ANO10: variants seen among roughly 807,000 people sequenced by gnomAD.
The protein encoded by ANO10 is anoctamin 10, also known as anoctamin-10.
ANO10 carries 77 observed loss-of-function variants against 74.7 expected under a neutral mutation model. That is an observed-to-expected ratio of 1.03 (90% CI 0.86 to 1.25). The LOEUF is 1.25. Among genes scored for constraint, ANO10 ranks in the 50% most tolerant of loss-of-function variants. ANO10 has a pLI of 0.00. For missense variants in ANO10, 721 were observed against 778.1 expected (o/e 0.93, Z 0.87); for synonymous variants, 279 against 284.9 (o/e 0.98, Z 0.21).
At chr3:43,670,929 C>G (rs1173554545) in intron 1 of ANO10, among the ~76,000 whole-genome samples, 1 of 152,142 alleles carries the variant, frequency 6.6e-6, no homozygotes, top group East Asian at 1.9e-4. Context: ...ATCAACCCAC[C>G]ACCAACTCAT....
intron 12 of ANO10, among the ~76,000 whole-genome samples, chr3:43,420,632 C>A (rs939486885): frequency 6.6e-6 from 1 of 151,896 alleles, no homozygotes; most frequent in Non-Finnish European, 1.5e-5. Flanking sequence ...TGGTTTCCTA[C>A]ACTTTTGGTG....
Position 43,366,977 on chromosome 3 carries a change from G to A in ANO10, c.1915-3C>T. On this transcript the variant is annotated splice_region_variant and splice_polypyrimidine_tract_variant and intron_variant, in intron 12 of 12. Transcript: ENST00000292246. Reference sequence around the variant, plus strand: ...TTCTCGGTCACGAGCTTCATTTGCTGTTAAGAGAAAACAGGACACCAGGTG... The same window carrying A: ...TTCTCGGTCACGAGCTTCATTTGCTATTAAGAGAAAACAGGACACCAGGTG... 1 of 1,596,680 alleles carries A rather than the reference G, an allele frequency of 6.3e-7. No individual in the cohort carries two copies. Among genetic ancestry groups the A allele is most frequent in the Non-Finnish European group, 8.5e-7 (1 of 1,171,204 alleles).
At chr3:43,566,242 G>C (rs1195662339) in intron 7 of ANO10, among the ~76,000 whole-genome samples, 2 of 152,140 alleles carry the variant, frequency 1.3e-5, no homozygotes, top group Non-Finnish European at 2.9e-5. Context: ...ACTGCAAGGC[G>C]GCAGCGAGGC....
chr3:43,650,936 A>G (rs1215557275), intron 1 of ANO10, among the ~76,000 whole-genome samples: 1 of 152,236 alleles, frequency 6.6e-6, no homozygotes, highest in East Asian at 1.9e-4. Context: ...AAGGAGCACA[A>G]TAGCATCCTC....
intron 12 of ANO10, among the ~76,000 whole-genome samples, chr3:43,394,431 C>T (rs1040297980): frequency 6.6e-6 from 1 of 152,188 alleles, no homozygotes; most frequent in African/African-American, 2.4e-5. Flanking sequence ...ACCCTCACCT[C>T]TTGACCCTAA....
rs1282296984 is a variant in ANO10, at chr3:43,578,470, C to A, written c.593-1209G>T. Among the ~76,000 whole-genome samples, 5 of 152,204 alleles carry A rather than the reference C, an allele frequency of 3.3e-5. No individual in the cohort carries two copies. The East Asian group carries it at 7.8e-4, about 24-fold the overall frequency. The stretch of plus-strand genomic sequence containing the variant: ...CTTTCTAAGAAGTAGCTAACAGAGG[C>A]CGGGAGCAGTGGCTCACACCTATAA... On this transcript the variant is annotated intron_variant, in intron 5 of 12. Coordinates refer to ENST00000292246, the MANE Select transcript of ANO10 (RefSeq NM_018075.5).
At chr3:43,667,808 T>A (rs915164621) in intron 1 of ANO10, among the ~76,000 whole-genome samples, 1 of 152,212 alleles carries the variant, frequency 6.6e-6, no homozygotes, top group Non-Finnish European at 1.5e-5. Context: ...TCCCATGGTG[T>A]ATATATACAC....
In ANO10 at chr3:43,375,052, C is replaced by T. The variant is rs538739517; in HGVS notation, c.1915-8078G>A. On this transcript the variant is annotated intron_variant, in intron 12 of 12. Coordinates refer to ENST00000292246, the MANE Select transcript of ANO10 (RefSeq NM_018075.5). Reference sequence around the variant, plus strand: ...AGGAGAACCACATGAACCCGGGAGGCGGAGGGTGCAGTGAGCCGAGATTGC... The same window carrying T: ...AGGAGAACCACATGAACCCGGGAGGTGGAGGGTGCAGTGAGCCGAGATTGC... Among the ~76,000 whole-genome samples, 89 of 151,436 alleles carry T rather than the reference C, an allele frequency of 5.9e-4. 1 individual carries two copies. Among genetic ancestry groups the T allele is most frequent in the African/African-American group, 1.9e-3 (77 of 41,184 alleles).
At chr3:43,414,316 T>G (rs1223024538) in intron 12 of ANO10, among the ~76,000 whole-genome samples, 4 of 152,198 alleles carry the variant, frequency 2.6e-5, no homozygotes, top group Non-Finnish European at 2.9e-5. Flanking sequence ...GAATAGTGAC[T>G]GATACACAGA....
rs964928694 is a variant in ANO10 at position 43,691,220 on chromosome 3, C to T, written c.-12+297G>A. ...CAGAGGCGTCCCGGCGCCGCTCTGCCTGGGAGAGGCTCCCCTCAGCGTCGG... is the reference window on the plus strand; with the variant it reads ...CAGAGGCGTCCCGGCGCCGCTCTGCTTGGGAGAGGCTCCCCTCAGCGTCGG... On this transcript the variant is annotated intron_variant, in intron 1 of 3. Transcript: ENST00000413397. 5 of 505,424 alleles carry T rather than the reference C, an allele frequency of 9.9e-6. No homozygotes were observed. The Admixed American group carries it at 1.3e-4, about 14-fold the overall frequency. The allele number at this position is 505,424 out of a possible 1,614,324, so 31.3% of individuals were successfully genotyped here.
intron 10 of ANO10, among the ~76,000 whole-genome samples, chr3:43,553,133 A>G (rs1559689104): frequency 6.6e-6 from 1 of 152,064 alleles, no homozygotes; most frequent in East Asian, 1.9e-4. Flanking sequence ...CCTGAAAAAT[A>G]TTTTGCCACT....
chr3:43,590,592 C>T (rs1227041551), intron 4 of ANO10, among the ~76,000 whole-genome samples: 4 of 152,028 alleles, frequency 2.6e-5, no homozygotes, highest in African/African-American at 7.2e-5. Flanking sequence ...AATGAGAAAA[C>T]GATCTAAGAG....
chr3:43,522,773 T>A (rs1427813073), intron 11 of ANO10, among the ~76,000 whole-genome samples: 1 of 152,082 alleles, frequency 6.6e-6, no homozygotes, highest in African/African-American at 2.4e-5. Context: ...ATGTCCAAAG[T>A]CATATCTAGA....
intron 12 of ANO10, among the ~76,000 whole-genome samples, chr3:43,422,042 T>G (rs1417829186): frequency 6.6e-6 from 1 of 152,230 alleles, no homozygotes; most frequent in East Asian, 1.9e-4. Context: ...ATCATGGCAA[T>G]GCAATTATTA....
chr3:43,593,651 A>G (rs2081927230), intron 4 of ANO10, among the ~76,000 whole-genome samples: 1 of 151,388 alleles, frequency 6.6e-6, no homozygotes, highest in Non-Finnish European at 1.5e-5. Context: ...GCCACTGCAA[A>G]AAACATGCCC....
rs577246705 is a variant in ANO10, at chr3:43,645,849, C to T, written c.-11-39986G>A. 2.0e-3 allele frequency among the ~76,000 whole-genome samples: 308 copies of T among 152,128 alleles called. 2 individuals are homozygous for T. Among genetic ancestry groups the T allele is most frequent in the Admixed American group, 3.9e-3 (60 of 15,282 alleles). On this transcript the variant is annotated intron_variant, in intron 1 of 3. Transcript: ENST00000413397. ...ATTTTTTTGAGATGGGGTCTGTCAC[C>T]CAGGTTGGAGTGCAGTGACACGATC... is the stretch of plus-strand genomic sequence containing the variant.
At chr3:43,480,090 A>C (rs2076210094) in intron 11 of ANO10, among the ~76,000 whole-genome samples, 1 of 152,220 alleles carries the variant, frequency 6.6e-6, no homozygotes, top group South Asian at 2.1e-4. Context: ...TCAGAGAATA[A>C]AAAAGAGCTC....
At chr3:43,462,462 C>T (rs1397760686) in intron 11 of ANO10, among the ~76,000 whole-genome samples, 1 of 152,124 alleles carries the variant, frequency 6.6e-6, no homozygotes, top group South Asian at 2.1e-4. Flanking sequence ...AACTCCTGAC[C>T]TCAGGTAATC....
At chr3:43,586,918 T>A (rs1347183293) in intron 4 of ANO10, among the ~76,000 whole-genome samples, 1 of 151,992 alleles carries the variant, frequency 6.6e-6, no homozygotes, top group African/African-American at 2.4e-5. Flanking sequence ...CTAAGAAAAG[T>A]ATGTAAGAAC....
Sources: gnomAD v4.1 joint callset for allele counts (sites outside exome capture counted in the v4.1 genomes callset) on GRCh38, gnomAD v4.1.1 for gene constraint, MANE v1.5 for transcripts, NCBI Gene and HGNC (gene_info 2026-07-23, HGNC 2026-07-21) for gene names.